The following LHFPL6 variants were observed in gnomAD, a reference collection of about 807,000 sequenced individuals.
The protein encoded by LHFPL6 is LHFPL tetraspan subfamily member 6, also known as LHFPL tetraspan subfamily member 6 protein.
LHFPL6 carries 9 observed loss-of-function variants against 20.6 expected under a neutral mutation model. That is an observed-to-expected ratio of 0.44 (90% confidence interval 0.26 to 0.76). The LOEUF (loss-of-function observed/expected upper bound fraction) is 0.76, where lower values mean the gene tolerates loss of function less well. LHFPL6 is among the 30% of genes least tolerant of loss of function. The probability of loss-of-function intolerance (pLI) is 0.20; values close to 1 mark genes in which losing one functional copy is unlikely to be tolerated. For synonymous variants in LHFPL6, 105 were observed against 98.7 expected (o/e 1.06, Z -0.38); for missense variants, 218 against 253.5 (o/e 0.86, Z 0.95).
At chr13:39,589,404 C>A (rs769502195) in intron 2 of LHFPL6, among the ~76,000 whole-genome samples, 1 of 152,086 alleles carries the variant, frequency 6.6e-6, no homozygotes, top group Non-Finnish European at 1.5e-5. Context: ...TCACCGCACC[C>A]AGCCCAGATA....
intron 2 of LHFPL6, among the ~76,000 whole-genome samples, chr13:39,430,406 G>T (rs73460945): frequency 0.028 from 4,287 of 152,254 alleles, 175 homozygotes; most frequent in African/African-American, 0.09. Context: ...CTGATCTTAT[G>T]GCAGCCCAAC....
At chr13:39,365,084 T>G (rs892383794) in intron 3 of LHFPL6, among the ~76,000 whole-genome samples, 1 of 152,212 alleles carries the variant, frequency 6.6e-6, no homozygotes, top group Non-Finnish European at 1.5e-5. Context: ...TCCTTCAGTT[T>G]CTGTCTGTAG....
intron 2 of LHFPL6, among the ~76,000 whole-genome samples, chr13:39,493,285 A>G (rs1442297210): frequency 6.8e-6 from 1 of 147,844 alleles, no homozygotes; most frequent in Non-Finnish European, 1.5e-5. Flanking sequence ...CCTGGCCAAC[A>G]TGATGAAACT....
chr13:39,354,813 T>C (rs1593282726), intron 3 of LHFPL6, among the ~76,000 whole-genome samples: 1 of 151,092 alleles, frequency 6.6e-6, no homozygotes, highest in Admixed American at 6.6e-5. Flanking sequence ...ATCTCAGAGC[T>C]CAAAGACCAG....
intron 2 of LHFPL6, among the ~76,000 whole-genome samples, chr13:39,431,847 CCTGGCTTAA>C (rs1227956997): frequency 6.6e-6 from 1 of 152,138 alleles, no homozygotes; most frequent in Non-Finnish European, 1.5e-5. Flanking sequence ...TTATCTCTCA[CCTGGCTTAA>C]CTGCAATCCC....
At chr13:39,579,991 A>C (rs151276146) in intron 2 of LHFPL6, among the ~76,000 whole-genome samples, 2 of 152,350 alleles carry the variant, frequency 1.3e-5, no homozygotes, top group East Asian at 3.9e-4. Flanking sequence ...TCTTAAGATT[A>C]AATGAGAAAA....
intron 2 of LHFPL6, among the ~76,000 whole-genome samples, chr13:39,523,448 A>T (rs1417612253): frequency 6.6e-6 from 1 of 151,822 alleles, no homozygotes; most frequent in Non-Finnish European, 1.5e-5. Flanking sequence ...GGGCGCCTGT[A>T]GTCCCAGCTA....
intron 2 of LHFPL6, among the ~76,000 whole-genome samples, chr13:39,422,965 A>G (rs1012469048): frequency 3.3e-5 from 5 of 152,176 alleles, no homozygotes; most frequent in African/African-American, 1.2e-4. Flanking sequence ...AAAGCCCCTT[A>G]AAAAACCATC....
chr13:39,475,054 T>C (rs1873049173), intron 2 of LHFPL6, among the ~76,000 whole-genome samples: 1 of 152,188 alleles, frequency 6.6e-6, no homozygotes, highest in South Asian at 2.1e-4. Context: ...GCCTGTGTTT[T>C]GAATAAGCTT....
intron 2 of LHFPL6, among the ~76,000 whole-genome samples, chr13:39,445,695 A>G (rs1158798654): frequency 6.6e-6 from 1 of 152,246 alleles, no homozygotes; most frequent in Admixed American, 6.5e-5. Context: ...CATATTTGGT[A>G]CAGCAGAATA....
chr13:39,510,450 T>C (rs1429773990), intron 2 of LHFPL6, among the ~76,000 whole-genome samples: 2 of 152,230 alleles, frequency 1.3e-5, no homozygotes, highest in African/African-American at 2.4e-5. Flanking sequence ...GGTAGGTCAT[T>C]AGAAACTGAA....
chr13:39,547,625 C>G (rs1287740863), intron 2 of LHFPL6, among the ~76,000 whole-genome samples: 1 of 152,040 alleles, frequency 6.6e-6, no homozygotes, highest in Non-Finnish European at 1.5e-5. Context: ...GGACCAGCTC[C>G]TGAGAATTGA....
chr13:39,392,379 G>A (rs1174585070), intron 2 of LHFPL6, among the ~76,000 whole-genome samples: 1 of 152,216 alleles, frequency 6.6e-6, no homozygotes, highest in Non-Finnish European at 1.5e-5. Context: ...TGGATCACCT[G>A]AGGTCAGGAG....
In LHFPL6 at chr13:39,567,323, A is replaced by T. The variant is rs1427868837; in HGVS notation, c.385+33509T>A. Among the ~76,000 whole-genome samples, 4 of 152,354 alleles carry T rather than the reference A, an allele frequency of 2.6e-5. No individual in the cohort carries two copies. The East Asian group carries it at 7.7e-4, about 29-fold the overall frequency. The stretch of plus-strand genomic sequence containing the variant: ...ATCAGTATTTTTTCTGATAGCCAAT[A>T]CATTACCAAAATTTTAAATTCTGTA... On this transcript the variant is annotated intron_variant, in intron 2 of 3. Coordinates refer to ENST00000379589, the MANE Select transcript of LHFPL6 (RefSeq NM_005780.3).
intron 2 of LHFPL6, among the ~76,000 whole-genome samples, chr13:39,461,354 G>C (rs1872683635): frequency 6.6e-6 from 1 of 152,186 alleles, no homozygotes; most frequent in Non-Finnish European, 1.5e-5. Flanking sequence ...TATATACGCA[G>C]TAATGGGATT....
intron 2 of LHFPL6, among the ~76,000 whole-genome samples, chr13:39,538,387 A>C (rs1356751405): frequency 2.0e-5 from 3 of 150,926 alleles, no homozygotes. Flanking sequence ...TGCAGATTTT[A>C]GGATCCCTTT....
intron 2 of LHFPL6, among the ~76,000 whole-genome samples, chr13:39,474,033 C>A (rs989128346): frequency 1.3e-5 from 2 of 152,222 alleles, no homozygotes; most frequent in African/African-American, 4.8e-5. Context: ...CTATTCAATA[C>A]AGTCATTGAT....
At chr13:39,488,061 G>A (rs905173415) in intron 2 of LHFPL6, among the ~76,000 whole-genome samples, 1 of 152,114 alleles carries the variant, frequency 6.6e-6, no homozygotes, top group African/African-American at 2.4e-5. Flanking sequence ...TAAGAAGTGG[G>A]GCCTTTGGGA....
intron 2 of LHFPL6, among the ~76,000 whole-genome samples, chr13:39,435,062 CAAAAA>C (rs55701240): frequency 7.5e-5 from 4 of 53,358 alleles, no homozygotes; most frequent in Admixed American, 6.3e-4. Context: ...GACTCCGTCT[CAAAAA>C]AAAAAAAAAA....
Sources: gnomAD v4.1 joint callset for allele counts (sites outside exome capture counted in the v4.1 genomes callset) on GRCh38, gnomAD v4.1.1 for gene constraint, MANE v1.5 for transcripts, NCBI Gene and HGNC (gene_info 2026-07-23, HGNC 2026-07-21) for gene names.